KLHL32: variants seen among roughly 807,000 people sequenced by gnomAD.
The protein encoded by KLHL32 is kelch like family member 32.
In KLHL32, 35 loss-of-function variants were observed where a neutral mutation model predicts 64.8. The observed-to-expected ratio is 0.54, with a 90% confidence interval of 0.41 to 0.72. The LOEUF (loss-of-function observed/expected upper bound fraction) is 0.72, where lower values mean the gene tolerates loss of function less well. Among genes scored for constraint, KLHL32 ranks in the 30% least tolerant of loss-of-function variants. The pLI is 0.00. For synonymous variants in KLHL32, 259 were observed against 281.0 expected (o/e 0.92, Z 0.78); for missense variants, 589 against 768.5 (o/e 0.77, Z 2.76).
intron 3 of KLHL32, among the ~76,000 whole-genome samples, chr6:96,987,813 T>A (rs1777303236): frequency 6.6e-6 from 1 of 152,274 alleles, no homozygotes; most frequent in East Asian, 1.9e-4. Flanking sequence ...TCTACAACCA[T>A]CTGATCTTTG....
chr6:96,930,151 G>A (rs1256675904), intron 1 of KLHL32, among the ~76,000 whole-genome samples: 3 of 152,176 alleles, frequency 2.0e-5, no homozygotes, highest in Non-Finnish European at 1.5e-5. Flanking sequence ...GATTGCTTCA[G>A]TGAGAACATA....
At chr6:97,091,520 T>C (rs1794227637) in intron 6 of KLHL32, among the ~76,000 whole-genome samples, 1 of 152,184 alleles carries the variant, frequency 6.6e-6, no homozygotes, top group Admixed American at 6.5e-5. Context: ...CCTGACAGTG[T>C]CTGATGTGGG....
chr6:96,906,430 G>T, the KLHL32 span, among the ~76,000 whole-genome samples: 3 of 152,102 alleles, frequency 2.0e-5, no homozygotes, highest in African/African-American at 7.2e-5. Flanking sequence ...GGTGGTAGAG[G>T]TTTAAAATGA....
intron 3 of KLHL32, among the ~76,000 whole-genome samples, chr6:96,983,053 C>A (rs1299804326): frequency 6.6e-6 from 1 of 152,244 alleles, no homozygotes; most frequent in Non-Finnish European, 1.5e-5. Context: ...AGATACGTCC[C>A]ATCAATACCT....
chr6:96,988,110 A>T (rs1418351989), intron 3 of KLHL32, among the ~76,000 whole-genome samples: 1 of 152,152 alleles, frequency 6.6e-6, no homozygotes, highest in East Asian at 1.9e-4. Flanking sequence ...AATGGGATCT[A>T]ATTAAACTAA....
At chr6:97,124,937 A>T (rs1798723768) in intron 7 of KLHL32, among the ~76,000 whole-genome samples, 1 of 152,176 alleles carries the variant, frequency 6.6e-6, no homozygotes, top group Non-Finnish European at 1.5e-5. Context: ...ATTTATTTTG[A>T]CACACATCTT....
the KLHL32 span, among the ~76,000 whole-genome samples, chr6:96,913,044 T>G: frequency 1.8e-4 from 27 of 152,246 alleles, no homozygotes; most frequent in Non-Finnish European, 3.2e-4. Context: ...GCTCTCTGTT[T>G]CTGCTAAGTC....
chr6:96,933,956 C>T (rs1436373089), intron 1 of KLHL32, among the ~76,000 whole-genome samples: 1 of 152,130 alleles, frequency 6.6e-6, no homozygotes, highest in African/African-American at 2.4e-5. Flanking sequence ...TAAGGAGTGA[C>T]CTTGACTTCA....
intron 5 of KLHL32, among the ~76,000 whole-genome samples, chr6:97,084,901 T>C (rs1793150072): frequency 6.6e-6 from 1 of 152,168 alleles, no homozygotes; most frequent in Admixed American, 6.5e-5. Context: ...TCTTTAAATA[T>C]ATGGGTTTTA....
chr6:97,116,184 C>T (rs1305421198), intron 7 of KLHL32, among the ~76,000 whole-genome samples: 1 of 152,220 alleles, frequency 6.6e-6, no homozygotes, highest in Non-Finnish European at 1.5e-5. Context: ...GTGGACCCAA[C>T]ATTTACTGGC....
At chr6:97,000,887 G>A (rs1778943918) in intron 3 of KLHL32, among the ~76,000 whole-genome samples, 1 of 152,104 alleles carries the variant, frequency 6.6e-6, no homozygotes, top group Non-Finnish European at 1.5e-5. Context: ...AAAATGCATG[G>A]GTGAAACTTG....
intron 1 of KLHL32, among the ~76,000 whole-genome samples, chr6:96,942,709 A>T (rs543389776): frequency 1.3e-4 from 19 of 147,134 alleles, no homozygotes; most frequent in African/African-American, 4.8e-4. Context: ...ATATCCCTTC[A>T]GGGTCATATT....
intron 3 of KLHL32, among the ~76,000 whole-genome samples, chr6:96,977,789 A>C (rs1775871905): frequency 6.6e-6 from 1 of 152,242 alleles, no homozygotes; most frequent in Non-Finnish European, 1.5e-5. Context: ...AGCGTATTAA[A>C]TGTGATGAAA....
chr6:97,114,679 T>C (rs1582198829), intron 7 of KLHL32, 170 bp downstream of exon 7: 1 of 713,492 alleles, frequency 1.4e-6, no homozygotes, highest in South Asian at 1.8e-5. Context: ...AGCAATGTAA[T>C]TGGAAATAAT....
At chr6:97,056,096 CTTTTTT>C (rs1193971196) in intron 4 of KLHL32, among the ~76,000 whole-genome samples, 1 of 123,802 alleles carries the variant, frequency 8.1e-6, no homozygotes, top group Non-Finnish European at 1.6e-5. Flanking sequence ...CTTTTTTTTT[CTTTTTT>C]TTTCTTTTTT....
At chr6:97,123,684 G>T (rs1425368695) in intron 7 of KLHL32, among the ~76,000 whole-genome samples, 1 of 152,154 alleles carries the variant, frequency 6.6e-6, no homozygotes. Flanking sequence ...TTAAGATGCA[G>T]ATTATCCTCC....
chr6:97,115,338 T>A (rs757708068), intron 7 of KLHL32, among the ~76,000 whole-genome samples: 1 of 152,256 alleles, frequency 6.6e-6, no homozygotes, highest in Non-Finnish European at 1.5e-5. Context: ...TGTTTGTTTT[T>A]AATTATCCGT....
At chr6:97,056,330 C>T (rs1338045302) in intron 4 of KLHL32, among the ~76,000 whole-genome samples, 1 of 152,054 alleles carries the variant, frequency 6.6e-6, no homozygotes, top group African/African-American at 2.4e-5. Context: ...TGGTCTTGAT[C>T]TCCTGACCTC....
At chr6:96,923,950 G>T (rs1173003220), upstream of KLHL32, among the ~76,000 whole-genome samples, 2 of 152,202 alleles carry the variant, frequency 1.3e-5, no homozygotes, top group Non-Finnish European at 2.9e-5. Context: ...TGGCACTTGA[G>T]TGTGCCAGGC....
Sources: gnomAD v4.1 joint callset for allele counts (sites outside exome capture counted in the v4.1 genomes callset) on GRCh38, gnomAD v4.1.1 for gene constraint, MANE v1.5 for transcripts, NCBI Gene and HGNC (gene_info 2026-07-23, HGNC 2026-07-21) for gene names.